The following ARRB1 variants were observed in gnomAD, a reference collection of about 807,000 sequenced individuals.
ARRB1 encodes the protein beta-arrestin-1.
A neutral mutation model predicts 56.8 loss-of-function variants in ARRB1; 21 were observed. The ratio of observed to expected loss-of-function variants is 0.37; its 90% confidence interval spans 0.26 to 0.53. The LOEUF (loss-of-function observed/expected upper bound fraction) is 0.53. Ranked by LOEUF, ARRB1 falls within the 20% of genes least tolerant of loss-of-function variation. ARRB1 has a pLI of 0.88. For synonymous variants in ARRB1, 210 were observed against 218.6 expected (o/e 0.96, Z 0.35); for missense variants, 424 against 553.7 (o/e 0.77, Z 2.35).
At chr11:75,272,735 AAG>A in intron 12 of ARRB1, 158 bp downstream of exon 12, 1 of 638,754 alleles carries the variant, frequency 1.6e-6, no homozygotes, top group Non-Finnish European at 2.7e-6. Context: ...GCGGGGGAGA[AAG>A]AGGAACAGAA....
chr11:75,300,039 T>C (rs1418269489), intron 1 of ARRB1, among the ~76,000 whole-genome samples: 3 of 151,548 alleles, frequency 2.0e-5, no homozygotes, highest in African/African-American at 7.3e-5. Context: ...ACCCTGTCTC[T>C]ACTAAAAATA....
At chr11:75,315,257 T>C (rs1947246197) in intron 1 of ARRB1, among the ~76,000 whole-genome samples, 1 of 152,044 alleles carries the variant, frequency 6.6e-6, no homozygotes, top group African/African-American at 2.4e-5. Flanking sequence ...GTATCTGCCT[T>C]ATGCAACCTC....
chr11:75,341,015 C>T (rs906760031), intron 1 of ARRB1, among the ~76,000 whole-genome samples: 6 of 152,056 alleles, frequency 3.9e-5, no homozygotes, highest in African/African-American at 1.2e-4. Context: ...CCTGTGCCCC[C>T]ACCCCCGCGC....
intron 1 of ARRB1, among the ~76,000 whole-genome samples, chr11:75,308,252 A>G (rs1676887): frequency 0.89 from 135,324 of 152,246 alleles, 60,341 homozygotes; most frequent in Non-Finnish European, 0.91. Context: ...CAGGGGCCAT[A>G]AGCAAGAGGC....
At chr11:75,268,087 T>C (rs995085222) in intron 14 of ARRB1, among the ~76,000 whole-genome samples, 37 of 152,234 alleles carry the variant, frequency 2.4e-4, no homozygotes, top group African/African-American at 8.7e-4. Flanking sequence ...GAGTGTGTCT[T>C]ACCGTCGATG....
chr11:75,326,521 T>C (rs1168186936), intron 1 of ARRB1, among the ~76,000 whole-genome samples: 2 of 152,002 alleles, frequency 1.3e-5, no homozygotes, highest in East Asian at 3.9e-4. Flanking sequence ...AGAGGTTAAA[T>C]AACCTGCCCA....
chr11:75,273,397 G>C (rs1043830997), intron 11 of ARRB1, among the ~76,000 whole-genome samples: 10 of 152,196 alleles, frequency 6.6e-5, no homozygotes, highest in Non-Finnish European at 1.5e-4. Context: ...TCTCCGCAGA[G>C]GTGGTGCTTC....
At chr11:75,286,812 T>G (rs1946488892) in intron 3 of ARRB1, among the ~76,000 whole-genome samples, 1 of 152,138 alleles carries the variant, frequency 6.6e-6, no homozygotes, top group Non-Finnish European at 1.5e-5. Context: ...CAGCCCCCAT[T>G]TCACAAGTCC....
At position 75,310,527 on chromosome 11, in the gene ARRB1, G is replaced by T. The variant is rs192537544; in HGVS notation, c.21-20488C>A. On this transcript the variant is annotated intron_variant, in intron 1 of 15. Coordinates refer to ENST00000420843, the MANE Select transcript of ARRB1 (RefSeq NM_004041.5). ...TTTATACTCTCTGTGTATCCAACCG[G>T]CACCAGGCAGTGGGACACAGGCTTC... is the stretch of plus-strand genomic sequence containing the variant. 4.1e-4 allele frequency among the ~76,000 whole-genome samples: 62 copies of T among 152,278 alleles called. No individual in the cohort carries two copies. In the East Asian group the frequency reaches 0.011, roughly 28 times the overall value.
chr11:75,268,473 C>T (rs1386477752), intron 14 of ARRB1, among the ~76,000 whole-genome samples: 2 of 144,372 alleles, frequency 1.4e-5, no homozygotes, highest in Non-Finnish European at 3.0e-5. Flanking sequence ...TCACTGCACT[C>T]CAGCCTGGGC....
intron 3 of ARRB1, among the ~76,000 whole-genome samples, chr11:75,285,266 C>G (rs1043535003): frequency 7.2e-5 from 11 of 152,198 alleles, no homozygotes; most frequent in African/African-American, 2.7e-4. Context: ...GCCAAGCACT[C>G]GAGAGCACTC....
Position 75,288,419 on chromosome 11 carries a change from C to T in ARRB1, c.52-1044G>A, listed in dbSNP as rs140870750. ...TCCAGCGGCTAAACCAGATCCAGAG[C>T]GTCATCCTGATGTGTGCTGTTCCTC... On this transcript the variant is annotated intron_variant, in intron 2 of 15. Transcript: ENST00000420843. 5.9e-5 allele frequency among the ~76,000 whole-genome samples: 9 copies of T among 152,188 alleles called. No homozygotes were observed. In the East Asian group the frequency reaches 7.8e-4, roughly 13 times the overall value.
intron 1 of ARRB1, among the ~76,000 whole-genome samples, chr11:75,312,386 G>A (rs986600110): frequency 1.3e-5 from 2 of 152,228 alleles, no homozygotes; most frequent in African/African-American, 4.8e-5. Flanking sequence ...AGACTGTGTG[G>A]ACTGCCAGGG....
chr11:75,319,292 G>T (rs1369334507), intron 1 of ARRB1, among the ~76,000 whole-genome samples: 1 of 152,178 alleles, frequency 6.6e-6, no homozygotes, highest in Non-Finnish European at 1.5e-5. Context: ...TCCACTGCCT[G>T]CGTGCTCTCC....
intron 1 of ARRB1, among the ~76,000 whole-genome samples, chr11:75,307,977 G>A (rs1947067821): frequency 6.6e-6 from 1 of 152,222 alleles, no homozygotes; most frequent in Admixed American, 6.5e-5. Flanking sequence ...GCCATGGATA[G>A]CACCATCCCC....
At chr11:75,335,162 G>T in intron 1 of ARRB1, 2 of 251,668 alleles carry the variant, frequency 7.9e-6, no homozygotes, top group Non-Finnish European at 9.2e-6. Flanking sequence ...CAAAGGCCCT[G>T]CCTCCAGCCC....
intron 1 of ARRB1, among the ~76,000 whole-genome samples, chr11:75,345,410 A>G (rs1481078692): frequency 1.3e-5 from 2 of 152,090 alleles, no homozygotes; most frequent in African/African-American, 4.8e-5. Flanking sequence ...ACCCCCTACT[A>G]GGACTCAAGC....
chr11:75,288,616 C>CTT (rs10580123), intron 2 of ARRB1, among the ~76,000 whole-genome samples: 2 of 133,562 alleles, frequency 1.5e-5, no homozygotes, highest in Non-Finnish European at 3.3e-5. Context: ...GCAAATCTTT[C>CTT]TTTTTTTTTT....
chr11:75,315,350 A>G (rs1007844399), intron 1 of ARRB1, among the ~76,000 whole-genome samples: 5 of 152,054 alleles, frequency 3.3e-5, no homozygotes, highest in Non-Finnish European at 5.9e-5. Context: ...CATGGGCTAC[A>G]TGGATTTGCC....
Sources: allele counts gnomAD v4.1 joint callset (sites outside exome capture counted in the v4.1 genomes callset), GRCh38; gene constraint gnomAD v4.1.1; transcripts MANE v1.5; gene names NCBI Gene and HGNC (gene_info 2026-07-23, HGNC 2026-07-21).